The following PCMTD1 variants were observed in gnomAD, a reference collection of about 807,000 sequenced individuals.
PCMTD1 encodes the protein protein-L-isoaspartate O-methyltransferase domain-containing protein 1.
PCMTD1 carries 12 observed loss-of-function variants against 37.6 expected under a neutral mutation model. That is an observed-to-expected ratio of 0.32 (90% CI 0.20 to 0.52). The LOEUF (loss-of-function observed/expected upper bound fraction) is 0.52. Ranked by LOEUF, PCMTD1 falls within the 20% of genes least tolerant of loss-of-function variation. PCMTD1 has a pLI of 0.97. For synonymous variants in PCMTD1, 117 were observed against 135.8 expected (o/e 0.86, Z 0.96); for missense variants, 235 against 421.3 (o/e 0.56, Z 3.87).
chr8:51,818,809 C>T lies in PCMTD1; in HGVS notation c.*1542G>A, dbSNP rs868300137. The T allele has an allele frequency of 6.6e-6, 1 of 152,318 alleles. No individual in the cohort carries two copies. The highest frequency in any genetic ancestry group is 1.5e-5 in the Non-Finnish European group (1 of 68,062). The allele number at this position is 152,318 out of a possible 1,614,324, so 9.4% of individuals were successfully genotyped here. A position where few individuals can be genotyped will look rare whatever the true frequency, so the allele number is the denominator to read the frequency against. ...TTTGTTTTTAGATGTTGTGGAATTA[C>T]TGGAGCTGAGATTTCTGAAACAATA... On this transcript the variant is annotated 3_prime_UTR_variant, in exon 6 of 6. Transcript: ENST00000522514.
chr8:51,827,358 A>C, intron 5 of PCMTD1: 1 of 925,444 alleles, frequency 1.1e-6, no homozygotes, highest in South Asian at 1.4e-5. Context: ...TGGTCAACCA[A>C]GGTCTGAAAA....
intron 1 of PCMTD1, among the ~76,000 whole-genome samples, chr8:51,877,385 T>C (rs2038727777): frequency 6.6e-6 from 1 of 152,222 alleles, no homozygotes; most frequent in Non-Finnish European, 1.5e-5. Flanking sequence ...TGCAGGATGC[T>C]GAGAAAGGTA....
chr8:51,828,567 C>T (rs1008759160), intron 5 of PCMTD1, among the ~76,000 whole-genome samples: 3 of 152,148 alleles, frequency 2.0e-5, no homozygotes, highest in Admixed American at 6.5e-5. Flanking sequence ...TTCTACTAAA[C>T]AAGTATCACT....
At chr8:51,847,280 A>G (rs1392847413) in intron 2 of PCMTD1, among the ~76,000 whole-genome samples, 1 of 152,236 alleles carries the variant, frequency 6.6e-6, no homozygotes, top group African/African-American at 2.4e-5. Flanking sequence ...ATTTCCATAG[A>G]TGTCAACATA....
At chr8:51,868,197 C>A (rs1241318947) in intron 1 of PCMTD1, among the ~76,000 whole-genome samples, 1 of 152,036 alleles carries the variant, frequency 6.6e-6, no homozygotes, top group African/African-American at 2.4e-5. Flanking sequence ...GAGAATGACA[C>A]AGTTTACATA....
intron 4 of PCMTD1, 70 bp from the exon 5 acceptor site, chr8:51,831,637 A>C (rs1004145130): frequency 4.0e-6 from 6 of 1,493,708 alleles, no homozygotes; most frequent in Middle Eastern, 1.8e-4. Flanking sequence ...TACAGTCAAA[A>C]CTTTGTTTTA....
chr8:51,848,082 T>TGG (rs2038249297), intron 2 of PCMTD1, among the ~76,000 whole-genome samples: 1 of 151,220 alleles, frequency 6.6e-6, no homozygotes, highest in African/African-American at 2.5e-5. Context: ...GAGACCGTGG[T>TGG]TTTGTTTGTT....
At chr8:51,888,016 TACA>T (rs1347289705) in intron 1 of PCMTD1, among the ~76,000 whole-genome samples, 2 of 152,332 alleles carry the variant, frequency 1.3e-5, no homozygotes, top group East Asian at 3.9e-4. Flanking sequence ...GTGCTGGGAT[TACA>T]GGCATGAGCC....
At position 51,818,931 on chromosome 8, in the gene PCMTD1, G is replaced by A. The variant is rs989913978; in HGVS notation, c.*1420C>T. 1.5e-3 allele frequency: 7 copies of A among 4,754 alleles called. No individual in the cohort carries two copies. In the Admixed American group the frequency reaches 0.021, roughly 14 times the overall value. 0.3% of individuals were successfully genotyped at this position (4,754 alleles called of 1,614,324 possible). On this transcript the variant is annotated 3_prime_UTR_variant, in exon 6 of 6. Coordinates refer to ENST00000522514, the MANE Select transcript of PCMTD1 (RefSeq NM_052937.4). ...AACTACTGTAATAATAATGCTGGTG[G>A]TAGTCCATGATACTCTCAAATTTTT...
chr8:51,836,668 G>C (rs2038071407), intron 3 of PCMTD1, among the ~76,000 whole-genome samples: 1 of 152,114 alleles, frequency 6.6e-6, no homozygotes, highest in African/African-American at 2.4e-5. Context: ...AAAATCTCAG[G>C]AGTAGAAGAG....
intron 5 of PCMTD1, among the ~76,000 whole-genome samples, chr8:51,828,911 T>C (rs1756127337): frequency 6.6e-6 from 1 of 152,358 alleles, no homozygotes; most frequent in Middle Eastern, 3.4e-3. Context: ...AGTAACCTCA[T>C]GTTTCCAGTC....
At chr8:51,835,671 A>C (rs888081298) in intron 3 of PCMTD1, among the ~76,000 whole-genome samples, 2 of 152,220 alleles carry the variant, frequency 1.3e-5, no homozygotes, top group African/African-American at 4.8e-5. Flanking sequence ...TAGGGAATTT[A>C]AATAATTAAA....
intron 2 of PCMTD1, 75 bp downstream of exon 2, chr8:51,860,770 C>A: frequency 8.0e-7 from 1 of 1,254,540 alleles, no homozygotes; most frequent in South Asian, 1.6e-5. Flanking sequence ...CACAAAGTTA[C>A]AACTCCTATA....
At chr8:51,836,144 G>A (rs1359360317) in intron 3 of PCMTD1, among the ~76,000 whole-genome samples, 1 of 152,160 alleles carries the variant, frequency 6.6e-6, no homozygotes. Context: ...TGACAGGCAT[G>A]GGGATCAGAG....
intron 5 of PCMTD1, among the ~76,000 whole-genome samples, chr8:51,821,539 A>G (rs1355791969): frequency 1.3e-5 from 2 of 152,228 alleles, no homozygotes; most frequent in Non-Finnish European, 2.9e-5. Context: ...GTATTAACCT[A>G]TATCTGCCAG....
At chr8:51,833,480 C>T in intron 4 of PCMTD1, 38 bp downstream of exon 4, 1 of 1,531,378 alleles carries the variant, frequency 6.5e-7, no homozygotes, top group South Asian at 1.3e-5. Context: ...AATTTGCTTG[C>T]TTCCTAGGCC....
chr8:51,828,632 G>A (rs2129274711), intron 5 of PCMTD1, among the ~76,000 whole-genome samples: 1 of 152,280 alleles, frequency 6.6e-6, no homozygotes, highest in East Asian at 1.9e-4. Flanking sequence ...CTGCTGTGTT[G>A]CCAGCATTAA....
At chr8:51,898,802 C>T in intron 1 of PCMTD1, 128 bp downstream of exon 1, 1 of 949,624 alleles carries the variant, frequency 1.1e-6, no homozygotes, top group Non-Finnish European at 1.4e-6. Flanking sequence ...AGTCCCCCTG[C>T]CCCCGACTCT....
At chr8:51,864,016 T>G (rs1024928855) in intron 1 of PCMTD1, among the ~76,000 whole-genome samples, 2 of 151,822 alleles carry the variant, frequency 1.3e-5, no homozygotes, top group South Asian at 4.2e-4. Flanking sequence ...CCCAACAATA[T>G]GCCGCCTATG....
Sources: gnomAD v4.1 joint callset for allele counts (sites outside exome capture counted in the v4.1 genomes callset) on GRCh38, gnomAD v4.1.1 for gene constraint, MANE v1.5 for transcripts, NCBI Gene and HGNC (gene_info 2026-07-23, HGNC 2026-07-21) for gene names.